ARPP19: variants seen among roughly 807,000 people sequenced by gnomAD.
ARPP19 encodes cAMP regulated phosphoprotein 19, also known as cAMP-regulated phosphoprotein 19.
Under a neutral mutation model 12.0 loss-of-function variants are expected in ARPP19, and 8 were observed. The ratio of observed to expected loss-of-function variants is 0.67; its 90% CI spans 0.39 to 1.21. The LOEUF is 1.21. ARPP19 is among the 50% of genes most tolerant of loss of function. The pLI, the probability that ARPP19 is intolerant of heterozygous loss-of-function variation, is 0.01. For synonymous variants in ARPP19, 47 were observed against 50.4 expected (o/e 0.93, Z 0.29); for missense variants, 102 against 136.3 (o/e 0.75, Z 1.25).
chr15:52,558,742 A>G (rs557435065), intron 1 of ARPP19, among the ~76,000 whole-genome samples: 2 of 151,942 alleles, frequency 1.3e-5, no homozygotes, highest in South Asian at 2.1e-4. Flanking sequence ...AAAACTTCAT[A>G]AAATTTTGGC....
chr15:52,551,973 T>C lies in ARPP19; in HGVS notation c.300A>G (p.Gln100=), dbSNP rs375653113. 1.0e-4 allele frequency: 164 copies of C among 1,613,554 alleles called. No homozygotes were observed. Among genetic ancestry groups the C allele is most frequent in the Non-Finnish European group, 1.3e-4 (152 of 1,179,586 alleles). The part of the protein sequence containing the change: ...DHIPTPQDLP[Q]RKPSLVASKL... The stretch of plus-strand genomic sequence containing the variant: ...TGCTAGCAACAAGGGACGGCTTCCG[T>C]TGAGGAAGGTCTTGCGGAGTGGGAA... Residue 100 remains glutamine, a synonymous_variant, in exon 3 of 3, where the codon CAA becomes CAG. Transcript: ENST00000249822.
At chr15:52,561,459 TAAAAA>T (rs977953029) in intron 1 of ARPP19, among the ~76,000 whole-genome samples, 7 of 152,166 alleles carry the variant, frequency 4.6e-5, no homozygotes, top group African/African-American at 1.7e-4. Flanking sequence ...CATGTGGAGT[TAAAAA>T]AGAAAAGAAT....
intron 1 of ARPP19, among the ~76,000 whole-genome samples, chr15:52,560,550 G>A (rs1389760502): frequency 2.6e-5 from 4 of 152,130 alleles, no homozygotes; most frequent in African/African-American, 7.2e-5. Flanking sequence ...ATTTAACAGG[G>A]GGGAAAAGAT....
upstream of ARPP19, chr15:52,569,326 C>G (rs965927518): frequency 1.3e-5 from 3 of 231,404 alleles, no homozygotes; most frequent in African/African-American, 2.4e-5. Context: ...ACTTACCCAT[C>G]CTCGCCTAGT....
chr15:52,553,246 G>A (rs1364194405), intron 2 of ARPP19, among the ~76,000 whole-genome samples: 1 of 152,080 alleles, frequency 6.6e-6, no homozygotes, highest in Admixed American at 6.6e-5. Flanking sequence ...TTAGAGTAAT[G>A]AAAGAAATAA....
At chr15:52,554,532 A>G (rs751426275) in intron 2 of ARPP19, among the ~76,000 whole-genome samples, 1 of 152,180 alleles carries the variant, frequency 6.6e-6, no homozygotes, top group Admixed American at 6.5e-5. Context: ...ATGAGTTTGT[A>G]ATGAAAATAT....
chr15:52,567,705 G>C (rs765287527), intron 1 of ARPP19, among the ~76,000 whole-genome samples: 19 of 152,056 alleles, frequency 1.2e-4, no homozygotes, highest in Non-Finnish European at 2.1e-4. Context: ...TATGCTATAT[G>C]TTTTCTTGTT....
chr15:52,558,470 GAA>G (rs143549178), intron 1 of ARPP19, among the ~76,000 whole-genome samples: 2 of 63,944 alleles, frequency 3.1e-5, no homozygotes, highest in Admixed American at 1.7e-4. Context: ...AAACAAAACA[GAA>G]AAAAAAAAAA....
At chr15:52,561,171 T>G (rs981812476) in intron 1 of ARPP19, among the ~76,000 whole-genome samples, 1 of 152,186 alleles carries the variant, frequency 6.6e-6, no homozygotes, top group African/African-American at 2.4e-5. Flanking sequence ...GAACACAATT[T>G]GATGTGACTC....
intron 2 of ARPP19, among the ~76,000 whole-genome samples, chr15:52,555,017 G>A (rs2077968694): frequency 6.6e-6 from 1 of 151,862 alleles, no homozygotes; most frequent in Admixed American, 6.6e-5. Context: ...TAGTGATAGA[G>A]GAAAATTAAA....
At chr15:52,567,678 T>C (rs2078096954) in intron 1 of ARPP19, among the ~76,000 whole-genome samples, 1 of 152,184 alleles carries the variant, frequency 6.6e-6, no homozygotes, top group Non-Finnish European at 1.5e-5. Flanking sequence ...AATAATGTGG[T>C]AACTTGGACT....
intron 1 of ARPP19, chr15:52,564,190 C>G (rs1182734513): frequency 6.5e-7 from 1 of 1,531,474 alleles, no homozygotes; most frequent in South Asian, 1.2e-5. Context: ...TGAGGTTTAC[C>G]TCTAGGCTGT....
At chr15:52,556,168 T>TAC (rs1181563674) in intron 2 of ARPP19, among the ~76,000 whole-genome samples, 1 of 151,140 alleles carries the variant, frequency 6.6e-6, no homozygotes, top group African/African-American at 2.4e-5. Flanking sequence ...AATCCATATG[T>TAC]ACCTAGAGCT....
In ARPP19 at chr15:52,548,467, AGAGT is replaced by A. The variant is rs1453732521; in HGVS notation, c.*3463_*3466del. 6.6e-6 allele frequency: 1 copy of A among 151,814 alleles called. No individual in the cohort carries two copies. Among genetic ancestry groups the A allele is most frequent in the East Asian group, 1.9e-4 (1 of 5,142 alleles). 9.4% of individuals were successfully genotyped at this position (151,814 alleles called of 1,614,324 possible). A position where few individuals can be genotyped will look rare whatever the true frequency, so the allele number is the denominator to read the frequency against. ...GCACCACTGCACTCCAGCCTGGGCA[AGAGT>A]GAGACTCCATCTCAAAAAAAAAAAA... On this transcript the variant is annotated 3_prime_UTR_variant, in exon 3 of 3. Coordinates refer to ENST00000249822, the MANE Select transcript of ARPP19 (RefSeq NM_006628.6).
upstream of ARPP19, chr15:52,569,171 G>A (rs1234604685): frequency 1.1e-5 from 5 of 462,608 alleles, no homozygotes; most frequent in African/African-American, 6.3e-5. Flanking sequence ...TTCCTTCAAA[G>A]GTCGCCGCTC....
intron 2 of ARPP19, among the ~76,000 whole-genome samples, chr15:52,553,254 TA>T (rs1249248957): frequency 6.6e-6 from 1 of 152,004 alleles, no homozygotes; most frequent in Non-Finnish European, 1.5e-5. Context: ...ATGAAAGAAA[TA>T]AACTCACTAG....
rs1355863337 is a variant in ARPP19 at position 52,547,325 on chromosome 15, T to C, written c.*4609A>G. On this transcript the variant is annotated 3_prime_UTR_variant, in exon 3 of 3. Coordinates refer to ENST00000249822, the MANE Select transcript of ARPP19 (RefSeq NM_006628.6). ...CAAATTCAGCATTAACTGCCAACTC[T>C]ATAGACATGTTTTAACAAAAAGCAA... 1 of 149,966 alleles carries C rather than the reference T, an allele frequency of 6.7e-6. No homozygotes were observed. The highest frequency in any genetic ancestry group is 1.9e-4 in the East Asian group (1 of 5,200). The allele number at this position is 149,966 out of a possible 1,614,324, so 9.3% of individuals were successfully genotyped here. A position where few individuals can be genotyped will look rare whatever the true frequency, so the allele number is the denominator to read the frequency against.
At position 52,549,596 on chromosome 15, in the gene ARPP19, G is replaced by A. The variant is rs1307281431; in HGVS notation, c.*2338C>T. On this transcript the variant is annotated 3_prime_UTR_variant, in exon 3 of 3. Transcript: ENST00000249822. ...TTCACAGATCCTCAATACATTTTGAGGTAGGTCAAATATTAATTATGTATT... is the reference window on the plus strand; with the variant it reads ...TTCACAGATCCTCAATACATTTTGAAGTAGGTCAAATATTAATTATGTATT... The A allele has an allele frequency of 6.6e-6, 1 of 152,466 alleles. No homozygotes were observed. Among genetic ancestry groups the A allele is most frequent in the Non-Finnish European group, 1.5e-5 (1 of 68,012 alleles). The allele number at this position is 152,466 out of a possible 1,614,324, so 9.4% of individuals were successfully genotyped here.
intron 1 of ARPP19, 137 bp downstream of exon 1, chr15:52,568,688 ACCAGCCAGCGACGGCGGGAAGCC>A: frequency 4.0e-6 from 2 of 502,550 alleles, no homozygotes; most frequent in Non-Finnish European, 7.0e-6. Context: ...TCGTCGGCGC[ACCAGCCAGCGACGGCGGGAAGCC>A]AAAGGTGGGG....
Sources: gnomAD v4.1 joint callset for allele counts (sites outside exome capture counted in the v4.1 genomes callset) on GRCh38, gnomAD v4.1.1 for gene constraint, MANE v1.5 for transcripts, NCBI Gene and HGNC (gene_info 2026-07-23, HGNC 2026-07-21) for gene names.